The following DOP1B variants were observed in gnomAD, a reference collection of about 807,000 sequenced individuals.
The protein encoded by DOP1B is DOP1 leucine zipper like protein B, also known as protein DOP1B.
DOP1B carries 174 observed loss-of-function variants against 233.5 expected under a neutral mutation model. The ratio of observed to expected loss-of-function variants is 0.75; its 90% CI spans 0.66 to 0.85. The LOEUF is 0.85. Ranked by LOEUF, DOP1B falls within the 40% of genes least tolerant of loss-of-function variation. The pLI is 0.00. For missense variants in DOP1B, 2,652 were observed against 2,846.6 expected (o/e 0.93, Z 1.56); for synonymous variants, 1,190 against 1,185.6 (o/e 1.00, Z -0.08).
rs540899416 is a variant in DOP1B at position 36,245,256 on chromosome 21, C to T, written c.3276C>T (p.Tyr1092=). 12 of 1,614,144 alleles carry T rather than the reference C, an allele frequency of 7.4e-6. No homozygotes were observed. Among genetic ancestry groups the T allele is most frequent in the African/African-American group, 6.7e-5 (5 of 75,072 alleles). The part of the protein sequence containing the change: ...GELSEEELPY[Y]VELPDRTAHG... ...TGAGCGAGGAAGAGCTGCCCTACTA[C>T]GTGGAGCTTCCAGACAGGACGGCCC... The change falls in exon 19 of 37, where the codon TAC becomes TAT. Residue 1092 remains tyrosine (Y), a synonymous_variant. Transcript: ENST00000691173. This position sits in a 1 kb window ranked among gnomAD's most constrained non-coding sequence, Gnocchi z 5.5.
intron 2 of DOP1B, among the ~76,000 whole-genome samples, chr21:36,198,198 G>T (rs1051047702): frequency 6.6e-6 from 1 of 152,062 alleles, no homozygotes. Flanking sequence ...GGGAGGCCGA[G>T]GCGGGTGGAT....
In DOP1B at chr21:36,208,818, G is replaced by A; in HGVS notation, c.595G>A (p.Ala199Thr). ...VLASPSIRLP[A>T]SVFVVGHINR... The stretch of plus-strand genomic sequence containing the variant: ...GGCCAGCCCGTCCATCCGCCTCCCT[G>A]CCTCAGTCTTCGTGGTGGGCCACAT... The change falls in exon 5 of 37, where the codon GCC (alanine) becomes ACC (threonine). Residue 199 changes from alanine (A) to threonine (T), a missense_variant. This residue lies in a region of DOP1B where 2,617 missense variants were observed against 2,794.3 expected (regional missense o/e 0.94). Transcript: ENST00000691173. 4 of 1,605,686 alleles carry A rather than the reference G, an allele frequency of 2.5e-6. No individual in the cohort carries two copies. Among genetic ancestry groups the A allele is most frequent in the Non-Finnish European group, 3.4e-6 (4 of 1,175,924 alleles).
In DOP1B at chr21:36,242,151, C is replaced by CATTATTGTTATTATTGTT. The variant is rs60892353; in HGVS notation, c.3067+2202_3067+2203insGTTATTATTGTTATTATT. 3.5e-5 allele frequency among the ~76,000 whole-genome samples: 5 copies of CATTATTGTTATTATTGTT among 143,982 alleles called. No homozygotes were observed. The South Asian group carries it at 1.1e-3, about 33-fold the overall frequency. 94.5% of individuals were successfully genotyped at this position (143,982 alleles called of 152,430 possible). A position where few individuals can be genotyped will look rare whatever the true frequency, so the allele number is the denominator to read the frequency against. ...AGCTCTATCTCCACAGTTCCTTGGG[C>CATTATTGTTATTATTGTT]ATTATTATTATTATTATTATTATTA... On this transcript the variant is annotated intron_variant, in intron 18 of 36. Transcript: ENST00000691173.
intron 17 of DOP1B, among the ~76,000 whole-genome samples, chr21:36,239,200 A>T (rs1434643505): frequency 6.6e-6 from 1 of 152,174 alleles, no homozygotes; most frequent in Non-Finnish European, 1.5e-5. Context: ...ACATGTGAAC[A>T]CATGTTAGGA....
chr21:36,251,830 C>T (rs1470348696), intron 22 of DOP1B, among the ~76,000 whole-genome samples: 1 of 152,142 alleles, frequency 6.6e-6, no homozygotes, highest in African/African-American at 2.4e-5. Flanking sequence ...TCTAATTTTT[C>T]TGTAATGAGT....
At chr21:36,160,480 T>TC (rs977203672) in intron 1 of DOP1B, among the ~76,000 whole-genome samples, 2 of 146,890 alleles carry the variant, frequency 1.4e-5, no homozygotes, top group Non-Finnish European at 1.5e-5. Context: ...AAGTTTTCTT[T>TC]TTTTTTTTTT....
chr21:36,164,901 A>C (rs746201498), intron 2 of DOP1B, 30 bp downstream of exon 2: 1 of 1,470,266 alleles, frequency 6.8e-7, no homozygotes. Flanking sequence ...TTTGGATTGC[A>C]TGGAGGTGGG....
chr21:36,234,867 ATT>A (rs1048063653), intron 15 of DOP1B, among the ~76,000 whole-genome samples: 59 of 77,816 alleles, frequency 7.6e-4, no homozygotes, highest in African/African-American at 3.5e-3. Flanking sequence ...GACATGTAAT[ATT>A]GTATATATAT....
chr21:36,212,060 C>T lies in DOP1B; in HGVS notation c.867C>T (p.Asp289=), dbSNP rs1216338651. The T allele has an allele frequency of 1.2e-6, 2 of 1,613,822 alleles. No individual in the cohort carries two copies. Among genetic ancestry groups the T allele is most frequent in the Non-Finnish European group, 1.7e-6 (2 of 1,179,932 alleles). The change falls in exon 7 of 37, where the codon GAC becomes GAT. Residue 289 remains aspartate (D), a synonymous_variant. Transcript: ENST00000691173. ...SAATQTLLRR[D]MSLNRRLYAW... is the part of the protein sequence containing the mutation. ...CCACCCAGACCCTACTGAGAAGGGA[C>T]ATGTCCCTGAACAGAAGACTGTATG... is the stretch of plus-strand genomic sequence containing the variant.
Position 36,175,408 on chromosome 21 carries a change from G to A in DOP1B, c.138+10537G>A, listed in dbSNP as rs1464617227. The stretch of plus-strand genomic sequence containing the variant: ...TTACAGGCGTGAGCCACCACGCCTG[G>A]CCCAGATTTCCTCTTCTTACAAGGA... On this transcript the variant is annotated intron_variant, in intron 2 of 36. Coordinates refer to ENST00000691173, the MANE Select transcript of DOP1B (RefSeq NM_001320714.2). Among the ~76,000 whole-genome samples the A allele has an allele frequency of 3.9e-5, 6 of 152,164 alleles. No homozygotes were observed. The East Asian group carries it at 1.2e-3, about 30-fold the overall frequency.
chr21:36,270,164 GGAGAT>G lies in DOP1B; in HGVS notation c.5632+9_5632+13del. ...GCTGAGGAGGACCTGTATGGTAGGT[GGAGAT>G]GGGTTGGCTGATAGTGCCTCTGGTC... On this transcript the variant is annotated splice_region_variant and intron_variant, in intron 27 of 36. Transcript: ENST00000691173. The G allele has an allele frequency of 2.5e-6, 4 of 1,613,084 alleles. No individual in the cohort carries two copies. The highest frequency in any genetic ancestry group is 3.4e-6 in the Non-Finnish European group (4 of 1,179,594).
chr21:36,271,311 T>TCACCCAGGTTGGAGTG (rs1569063941), intron 27 of DOP1B, among the ~76,000 whole-genome samples: 15 of 126,744 alleles, frequency 1.2e-4, no homozygotes, highest in African/African-American at 3.4e-4. Flanking sequence ...AGGTTGGAGT[T>TCACCCAGGTTGGAGTG]CACCCAGGTT....
At chr21:36,180,105 C>G (rs1017206780) in intron 2 of DOP1B, among the ~76,000 whole-genome samples, 5 of 150,700 alleles carry the variant, frequency 3.3e-5, no homozygotes, top group Non-Finnish European at 7.4e-5. Context: ...TCCACTATTC[C>G]CATGTTGGGA....
intron 23 of DOP1B, 127 bp from the exon 24 acceptor site, chr21:36,260,550 A>G (rs530428425): frequency 7.9e-7 from 1 of 1,261,068 alleles, no homozygotes; most frequent in East Asian, 2.4e-5. Context: ...CTGTTGTTAT[A>G]TCTGAAAGAT....
intron 1 of DOP1B, among the ~76,000 whole-genome samples, chr21:36,157,496 G>T (rs1007761513): frequency 1.3e-5 from 2 of 152,246 alleles, no homozygotes; most frequent in Non-Finnish European, 2.9e-5. Context: ...CCTGCGCCCT[G>T]CAGGGTTCCC....
chr21:36,190,009 C>CAA (rs541833307), intron 2 of DOP1B, among the ~76,000 whole-genome samples: 23,152 of 105,586 alleles, frequency 0.22, 2,656 homozygotes, highest in African/African-American at 0.3. Context: ...TACTCCGTCT[C>CAA]AAAAAAAAAA....
intron 2 of DOP1B, among the ~76,000 whole-genome samples, chr21:36,176,097 CGT>C (rs1555886143): frequency 1.4e-4 from 20 of 141,800 alleles, no homozygotes; most frequent in South Asian, 6.8e-4. Context: ...GGTGTGTGTG[CGT>C]GTGTGTGTGT....
chr21:36,244,105 C>T (rs1325422632), intron 18 of DOP1B, among the ~76,000 whole-genome samples: 1 of 140,172 alleles, frequency 7.1e-6, no homozygotes, highest in Non-Finnish European at 1.5e-5. Flanking sequence ...CAGCTCACTG[C>T]AACTTCCATC....
At chr21:36,166,130 G>A (rs1216118685) in intron 2 of DOP1B, among the ~76,000 whole-genome samples, 3 of 151,760 alleles carry the variant, frequency 2.0e-5, no homozygotes, top group Non-Finnish European at 4.4e-5. Context: ...CACCCCATCT[G>A]TGGAGAAATT....
Sources: allele counts gnomAD v4.1 joint callset (sites outside exome capture counted in the v4.1 genomes callset), GRCh38; gene constraint gnomAD v4.1.1; regional missense constraint gnomAD v4.1.1; non-coding constraint Gnocchi (gnomAD v3.1); transcripts MANE v1.5; gene names NCBI Gene and HGNC (gene_info 2026-07-23, HGNC 2026-07-21).